MLYCD: variants seen among roughly 807,000 people sequenced by gnomAD.
MLYCD encodes the protein malonyl-CoA decarboxylase, mitochondrial.
Under a neutral mutation model 35.8 loss-of-function variants are expected in MLYCD, and 27 were observed. That is an observed-to-expected ratio of 0.75 (90% CI 0.56 to 1.04). MLYCD has a LOEUF of 1.04. Among genes scored for constraint, MLYCD ranks in the 50% least tolerant of loss-of-function variants. The pLI, the probability that MLYCD is intolerant of heterozygous loss-of-function variation, is 0.00. For synonymous variants in MLYCD, 403 were observed against 302.4 expected, an observed-to-expected ratio of 1.33 and a Z score of -3.45; for missense variants, 917 against 665.1, an observed-to-expected ratio of 1.38 and a Z score of -4.17.
At position 83,922,887 on chromosome 16, in the gene MLYCD, G is replaced by A. The variant is rs1907698304; in HGVS notation, c.*7398G>A. 6.6e-6 allele frequency: 1 copy of A among 152,314 alleles called. No individual in the cohort carries two copies. Among genetic ancestry groups the A allele is most frequent in the Non-Finnish European group, 1.5e-5 (1 of 68,098 alleles). 9.4% of individuals were successfully genotyped at this position (152,314 alleles called of 1,614,324 possible). A position where few individuals can be genotyped will look rare whatever the true frequency, so the allele number is the denominator to read the frequency against. On this transcript the variant is annotated 3_prime_UTR_variant, in exon 5 of 5. Transcript: ENST00000262430. ...AGTGGATCATTCGTTCCCGGGAGAG[G>A]TGGGAATGGCTCCTGTGGACACGGC...
intron 1 of MLYCD, among the ~76,000 whole-genome samples, chr16:83,902,201 TTTG>T (rs567731799): frequency 3.2e-4 from 46 of 145,008 alleles, no homozygotes; most frequent in African/African-American, 1.1e-3. Context: ...GGTTTTTTGT[TTTG>T]TTGTTTACGG....
chr16:83,899,728 G>A, intron 1 of MLYCD, 56 bp downstream of exon 1: 1 of 1,462,304 alleles, frequency 6.8e-7, no homozygotes, highest in Non-Finnish European at 9.0e-7. Context: ...TCCTCGAGTA[G>A]TCCTCACTTG....
At position 83,912,317 on chromosome 16, in the gene MLYCD, G is replaced by C. The variant is rs749535334; in HGVS notation, c.898G>C (p.Gly300Arg). ...SISLTQQGLQ[G>R]VELGTFLIKR... Reference sequence around the variant, plus strand: ...CAGCTTGACCCAGCAGGGACTCCAAGGGGTGGAGCTGGGAACATTCCTCAT... The same window carrying C: ...CAGCTTGACCCAGCAGGGACTCCAACGGGTGGAGCTGGGAACATTCCTCAT... Residue 300 changes from glycine to arginine, a missense_variant, in exon 4 of 5, where the codon GGG becomes CGG. Transcript: ENST00000262430. 1.2e-5 allele frequency: 20 copies of C among 1,614,106 alleles called. No homozygotes were observed. The highest frequency in any genetic ancestry group is 1.7e-5 in the Non-Finnish European group (20 of 1,180,050).
intron 1 of MLYCD, among the ~76,000 whole-genome samples, chr16:83,903,563 C>T (rs766862047): frequency 5.9e-5 from 9 of 152,138 alleles, no homozygotes; most frequent in Non-Finnish European, 1.0e-4. Context: ...CTTGATAGAG[C>T]TTCAAAAGAG....
At chr16:83,910,585 G>T (rs2151058065) in intron 3 of MLYCD, among the ~76,000 whole-genome samples, 1 of 152,020 alleles carries the variant, frequency 6.6e-6, no homozygotes, top group African/African-American at 2.4e-5. Context: ...AGCTACTTGG[G>T]AGGCTGAGGC....
rs1294472902 is a variant in MLYCD at position 83,915,486 on chromosome 16, C to G, written c.1479C>G (p.Leu493=). ...LVAQFQKNSK[L] is the part of the protein sequence containing the mutation. ...CCCAGTTTCAAAAGAACAGCAAGCT[C>G]TGACAGTAAACCTCTCCTAAAGCAC... The change falls in exon 5 of 5, where the codon CTC becomes CTG. Residue 493 remains leucine, a synonymous_variant. Coordinates refer to ENST00000262430, the MANE Select transcript of MLYCD (RefSeq NM_012213.3). 5.0e-6 allele frequency: 8 copies of G among 1,610,878 alleles called. No homozygotes were observed. In the South Asian group the frequency reaches 5.5e-5, roughly 11 times the overall value.
Position 83,926,960 on chromosome 16 carries a change from A to G in MLYCD, c.*11471A>G, listed in dbSNP as rs948897358. On this transcript the variant is annotated 3_prime_UTR_variant, in exon 5 of 5. Transcript: ENST00000262430. Reference sequence around the variant, plus strand: ...GGTTGCAGTTGGCCGAGATGGCGCCACTCACTCCAGCCTGGCGACAGAGCG... The same window carrying G: ...GGTTGCAGTTGGCCGAGATGGCGCCGCTCACTCCAGCCTGGCGACAGAGCG... 6.6e-6 allele frequency: 1 copy of G among 152,210 alleles called. No homozygotes were observed. Among genetic ancestry groups the G allele is most frequent in the African/African-American group, 2.4e-5 (1 of 41,444 alleles). The allele number at this position is 152,210 out of a possible 1,614,324, so 9.4% of individuals were successfully genotyped here. A position where few individuals can be genotyped will look rare whatever the true frequency, so the allele number is the denominator to read the frequency against.
intron 1 of MLYCD, among the ~76,000 whole-genome samples, chr16:83,902,153 G>A (rs1186872156): frequency 5.2e-5 from 4 of 77,030 alleles, no homozygotes; most frequent in African/African-American, 1.8e-4. Context: ...GTGTGTGCGT[G>A]CGTATATATA....
intron 3 of MLYCD, among the ~76,000 whole-genome samples, chr16:83,909,663 G>A (rs1417235761): frequency 4.1e-5 from 6 of 147,372 alleles, no homozygotes; most frequent in East Asian, 2.0e-4. Flanking sequence ...CTCTTCTTGC[G>A]CAGGCTAGAG....
At chr16:83,914,785 GA>G (rs1042338803) in intron 4 of MLYCD, 170 bp from the exon 5 acceptor site, 3 of 983,030 alleles carry the variant, frequency 3.1e-6, no homozygotes, top group Non-Finnish European at 4.6e-6. Context: ...ACTCTAAGAG[GA>G]AAAAAAGAAA....
intron 1 of MLYCD, among the ~76,000 whole-genome samples, chr16:83,905,051 C>T (rs545387009): frequency 1.1e-4 from 17 of 152,282 alleles, no homozygotes; most frequent in African/African-American, 4.1e-4. Context: ...CTTTCTCAGG[C>T]GTCAAAGTTC....
Position 83,915,437 on chromosome 16 carries a change from C to G in MLYCD, c.1430C>G (p.Ser477Cys), listed in dbSNP as rs1309177379. The G allele has an allele frequency of 1.1e-5, 17 of 1,613,528 alleles. No individual in the cohort carries two copies. Among genetic ancestry groups the G allele is most frequent in the Non-Finnish European group, 1.2e-5 (14 of 1,180,052 alleles). ...CTCGGCTCCAAGATCATCAAAGCCT[C>G]TGAGCAGGTCCTCAGCCTAGTGGCC... ...SYLGSKIIKA[S>C]EQVLSLVAQF... Residue 477 changes from serine (S) to cysteine (C), a missense_variant, in exon 5 of 5, where the codon TCT becomes TGT. Transcript: ENST00000262430.
intron 4 of MLYCD, 110 bp downstream of exon 4, chr16:83,912,477 A>C: frequency 6.9e-7 from 1 of 1,456,980 alleles, no homozygotes; most frequent in Non-Finnish European, 9.5e-7. Flanking sequence ...ACAGGAGCTA[A>C]AGGGAGGGGC....
At position 83,925,057 on chromosome 16, in the gene MLYCD, C is replaced by G. The variant is rs1907764549; in HGVS notation, c.*9568C>G. The G allele has an allele frequency of 6.6e-6, 1 of 152,332 alleles. No individual in the cohort carries two copies. The highest frequency in any genetic ancestry group is 2.4e-5 in the African/African-American group (1 of 41,462). The allele number at this position is 152,332 out of a possible 1,614,324, so 9.4% of individuals were successfully genotyped here. A position where few individuals can be genotyped will look rare whatever the true frequency, so the allele number is the denominator to read the frequency against. ...CACTAGTGCCCCTGTTTGCCGGGGA[C>G]AGGCCCTGTCTGGGGCCCTGGTGTG... On this transcript the variant is annotated 3_prime_UTR_variant, in exon 5 of 5. Coordinates refer to ENST00000262430, the MANE Select transcript of MLYCD (RefSeq NM_012213.3).
chr16:83,910,630 G>T (rs1907140722), intron 3 of MLYCD, among the ~76,000 whole-genome samples: 1 of 151,306 alleles, frequency 6.6e-6, no homozygotes, highest in Non-Finnish European at 1.5e-5. Flanking sequence ...GGCAGAGGTT[G>T]CAGTGAGCCG....
In MLYCD at chr16:83,917,642, T is replaced by A. The variant is rs1907469157; in HGVS notation, c.*2153T>A. ...GTGGCTTGCAGGCCAATCAATGCAA[T>A]CCTGGCAACCTGCCCGCCCTTCTTG... On this transcript the variant is annotated 3_prime_UTR_variant, in exon 5 of 5. Coordinates refer to ENST00000262430, the MANE Select transcript of MLYCD (RefSeq NM_012213.3). The A allele has an allele frequency of 6.6e-6, 1 of 152,226 alleles. No homozygotes were observed. Among genetic ancestry groups the A allele is most frequent in the Non-Finnish European group, 1.5e-5 (1 of 68,042 alleles). The allele number at this position is 152,226 out of a possible 1,614,324, so 9.4% of individuals were successfully genotyped here.
Position 83,924,534 on chromosome 16 carries a change from G to T in MLYCD, c.*9045G>T, listed in dbSNP as rs1292428887. ...CTCCATCGCCTGGCACATAGGAGAG[G>T]CTTGGCAAATATTTTTGGTTCACTG... is the stretch of plus-strand genomic sequence containing the variant. On this transcript the variant is annotated 3_prime_UTR_variant, in exon 5 of 5. Coordinates refer to ENST00000262430, the MANE Select transcript of MLYCD (RefSeq NM_012213.3). The T allele has an allele frequency of 2.6e-5, 4 of 152,202 alleles. No homozygotes were observed. Among genetic ancestry groups the T allele is most frequent in the Non-Finnish European group, 4.4e-5 (3 of 68,048 alleles). The allele number at this position is 152,202 out of a possible 1,614,324, so 9.4% of individuals were successfully genotyped here. A position where few individuals can be genotyped will look rare whatever the true frequency, so the allele number is the denominator to read the frequency against.
intron 1 of MLYCD, among the ~76,000 whole-genome samples, chr16:83,904,264 A>C (rs886263079): frequency 6.6e-6 from 1 of 152,210 alleles, no homozygotes; most frequent in Non-Finnish European, 1.5e-5. Flanking sequence ...ACTGGGGTAC[A>C]GAAGCCCTCC....
rs2151059125 is a variant in MLYCD at position 83,913,189 on chromosome 16, A to T, written c.948+822A>T. The T allele has an allele frequency of 1.3e-5, 2 of 152,326 alleles. 1 individual carries two copies. The allele number at this position is 152,326 out of a possible 1,614,324, so 9.4% of individuals were successfully genotyped here. A position where few individuals can be genotyped will look rare whatever the true frequency, so the allele number is the denominator to read the frequency against. Reference sequence around the variant, plus strand: ...ACATGCTCCTAGTAAATTCATAATCAATTTCTAATTGAAGCCCTCAGGATT... The same window carrying T: ...ACATGCTCCTAGTAAATTCATAATCTATTTCTAATTGAAGCCCTCAGGATT... On this transcript the variant is annotated intron_variant, in intron 4 of 4. Coordinates refer to ENST00000262430, the MANE Select transcript of MLYCD (RefSeq NM_012213.3).
Sources: allele counts gnomAD v4.1 joint callset (sites outside exome capture counted in the v4.1 genomes callset), GRCh38; gene constraint gnomAD v4.1.1; transcripts MANE v1.5; gene names NCBI Gene and HGNC (gene_info 2026-07-23, HGNC 2026-07-21).